DYM: variants seen among roughly 807,000 people sequenced by gnomAD.
DYM encodes dymeclin.
A neutral mutation model predicts 93.1 loss-of-function variants in DYM; 78 were observed. That is an observed-to-expected ratio of 0.84 (90% CI 0.70 to 1.01). DYM has a LOEUF of 1.01. DYM is among the 50% of genes least tolerant of loss of function. DYM has a pLI of 0.00. For synonymous variants in DYM, 321 were observed against 319.7 expected, an observed-to-expected ratio of 1.00 and a Z score of -0.04; for missense variants, 789 against 845.0, an observed-to-expected ratio of 0.93 and a Z score of 0.82.
intron 2 of DYM, among the ~76,000 whole-genome samples, chr18:49,415,050 C>T (rs1290965521): frequency 6.6e-6 from 1 of 151,850 alleles, no homozygotes; most frequent in Admixed American, 6.6e-5. Flanking sequence ...AGTGGCATGA[C>T]CTCAGCTCAC....
chr18:49,045,406 G>T (rs1184043721), intron 17 of DYM, among the ~76,000 whole-genome samples: 1 of 152,200 alleles, frequency 6.6e-6, no homozygotes, highest in Non-Finnish European at 1.5e-5. Flanking sequence ...AAGTATTGAG[G>T]GCCAACTATG....
chr18:49,094,256 G>T (rs1445267383), intron 17 of DYM, among the ~76,000 whole-genome samples: 1 of 152,172 alleles, frequency 6.6e-6, no homozygotes, highest in Non-Finnish European at 1.5e-5. Flanking sequence ...CACGGATCTG[G>T]AAGAATTCTG....
In DYM at chr18:49,283,487, A is replaced by T. The variant is rs371166951; in HGVS notation, c.947-1312T>A. On this transcript the variant is annotated intron_variant, in intron 9 of 17. Transcript: ENST00000675505. The stretch of plus-strand genomic sequence containing the variant: ...AAAAGAACAAATCACAGCCTGTATT[A>T]GGAAAAGTTCTTGATATTCCAATCT... Among the ~76,000 whole-genome samples, 8 of 152,070 alleles carry T rather than the reference A, an allele frequency of 5.3e-5. No individual in the cohort carries two copies. The East Asian group carries it at 1.2e-3, about 22-fold the overall frequency.
At chr18:49,263,782 C>T (rs1017351919) in intron 11 of DYM, among the ~76,000 whole-genome samples, 45 of 152,108 alleles carry the variant, frequency 3.0e-4, no homozygotes, top group Admixed American at 1.2e-3. Context: ...CTAAAAAGCA[C>T]AGAGCAGCAG....
At chr18:49,421,333 G>T (rs1054177900) in intron 2 of DYM, among the ~76,000 whole-genome samples, 1 of 152,188 alleles carries the variant, frequency 6.6e-6, no homozygotes, top group African/African-American at 2.4e-5. Flanking sequence ...AACATTTGCT[G>T]TTCTGCAATA....
chr18:49,099,516 C>G (rs1316642909), intron 16 of DYM, among the ~76,000 whole-genome samples: 1 of 152,056 alleles, frequency 6.6e-6, no homozygotes, highest in East Asian at 1.9e-4. Flanking sequence ...CTTTATAAAT[C>G]ATGCAATATA....
intron 13 of DYM, among the ~76,000 whole-genome samples, chr18:49,254,652 A>G (rs372571542): frequency 1.6e-3 from 242 of 152,318 alleles, no homozygotes; most frequent in Non-Finnish European, 3.0e-3. Flanking sequence ...AATTGTTTGC[A>G]TCTCAAAAAC....
chr18:49,079,208 G>C lies in DYM; in HGVS notation c.2025+18194C>G, dbSNP rs149551441. On this transcript the variant is annotated intron_variant, in intron 17 of 17. Coordinates refer to ENST00000675505, the MANE Select transcript of DYM (RefSeq NM_001353214.3). The stretch of plus-strand genomic sequence containing the variant: ...GCATTAAAAACATGTTTCATGCAAA[G>C]AAAAAAAATGAGGAAAGCCATAGTA... Among the ~76,000 whole-genome samples the C allele has an allele frequency of 4.0e-5, 6 of 151,854 alleles. No homozygotes were observed. In the East Asian group the frequency reaches 9.7e-4, roughly 24 times the overall value.
At chr18:49,419,685 T>A (rs1348749216) in intron 2 of DYM, among the ~76,000 whole-genome samples, 13 of 152,204 alleles carry the variant, frequency 8.5e-5, no homozygotes, top group Admixed American at 8.5e-4. Context: ...GCTTTCAGAA[T>A]TTTAATTCAA....
At chr18:49,443,858 C>A (rs910262245) in intron 1 of DYM, among the ~76,000 whole-genome samples, 1 of 152,194 alleles carries the variant, frequency 6.6e-6, no homozygotes, top group South Asian at 2.1e-4. Context: ...TTGATTACAG[C>A]AGCCAAAGAA....
chr18:49,261,471 G>A (rs1359416544), intron 11 of DYM, among the ~76,000 whole-genome samples: 1 of 152,226 alleles, frequency 6.6e-6, no homozygotes, highest in East Asian at 1.9e-4. Context: ...AGGAGTTTGA[G>A]ACCAGCCTGG....
chr18:49,192,197 C>T (rs968633891), intron 14 of DYM, among the ~76,000 whole-genome samples: 13 of 145,828 alleles, frequency 8.9e-5, no homozygotes, highest in African/African-American at 3.0e-4. Flanking sequence ...GCTGGGATTA[C>T]AGGCATGGGC....
chr18:49,283,728 A>G (rs906984971), intron 9 of DYM, among the ~76,000 whole-genome samples: 7 of 152,244 alleles, frequency 4.6e-5, no homozygotes, highest in Admixed American at 2.0e-4. Flanking sequence ...CAGAAGCACT[A>G]CCAAAACAAA....
Position 49,238,325 on chromosome 18 carries a change from A to T in DYM, c.1460+18685T>A, listed in dbSNP as rs16950466. 9.9e-3 allele frequency among the ~76,000 whole-genome samples: 1,503 copies of T among 152,296 alleles called. 40 individuals are homozygous for T. The highest frequency in any genetic ancestry group is 0.075 in the South Asian group (362 of 4,824). On this transcript the variant is annotated intron_variant, in intron 13 of 17. Coordinates refer to ENST00000675505, the MANE Select transcript of DYM (RefSeq NM_001353214.3). ...GATACCCTTTTAAGTAACCTTTAAA[A>T]TTGTGAAATTTGTGAATGCATCATC...
intron 13 of DYM, among the ~76,000 whole-genome samples, chr18:49,236,731 T>C (rs2093878106): frequency 6.6e-6 from 1 of 152,182 alleles, no homozygotes; most frequent in South Asian, 2.1e-4. Context: ...AATGTGAACT[T>C]GCTCCCAAAA....
At chr18:49,220,874 G>A (rs1333259544) in intron 13 of DYM, among the ~76,000 whole-genome samples, 3 of 152,164 alleles carry the variant, frequency 2.0e-5, no homozygotes, top group East Asian at 1.9e-4. Flanking sequence ...AACACCAAAA[G>A]CAATGGCAAC....
At chr18:49,317,650 TTCCTTCCTTCCTTCC>T (rs1361316139) in intron 8 of DYM, among the ~76,000 whole-genome samples, 6 of 73,560 alleles carry the variant, frequency 8.2e-5, no homozygotes, top group African/African-American at 4.1e-4. Flanking sequence ...TCTCCTCTCC[TTCCTTCCTTCCTTCC>T]TTCCTTCCTT....
At chr18:49,310,948 A>G (rs1038391446) in intron 8 of DYM, among the ~76,000 whole-genome samples, 2 of 152,260 alleles carry the variant, frequency 1.3e-5, no homozygotes, top group Admixed American at 6.5e-5. Flanking sequence ...TTAATCCAAT[A>G]TAGGCAAAAT....
intron 16 of DYM, among the ~76,000 whole-genome samples, chr18:49,117,001 C>T (rs1254923877): frequency 2.0e-5 from 3 of 152,190 alleles, no homozygotes; most frequent in African/African-American, 4.8e-5. Flanking sequence ...AGGATGCTCT[C>T]ACACACATCC....
Sources: allele counts gnomAD v4.1 joint callset (sites outside exome capture counted in the v4.1 genomes callset), GRCh38; gene constraint gnomAD v4.1.1; transcripts MANE v1.5; gene names NCBI Gene and HGNC (gene_info 2026-07-23, HGNC 2026-07-21).